Variants in TMEFF2 observed in about 807,000 individuals in gnomAD.
TMEFF2 encodes tomoregulin-2.
Under a neutral mutation model 53.8 loss-of-function variants are expected in TMEFF2, and 28 were observed. That is an observed-to-expected ratio of 0.52 (90% confidence interval 0.39 to 0.71). TMEFF2 has a LOEUF of 0.71. Among genes scored for constraint, TMEFF2 ranks in the 30% least tolerant of loss-of-function variants. The pLI, the probability that TMEFF2 is intolerant of heterozygous loss-of-function variation, is 0.00. For missense variants in TMEFF2, 353 were observed against 455.2 expected (o/e 0.78, Z 2.04); for synonymous variants, 162 against 166.3 (o/e 0.97, Z 0.20).
chr2:192,115,286 T>A (rs1209397675), intron 4 of TMEFF2, among the ~76,000 whole-genome samples: 2 of 151,864 alleles, frequency 1.3e-5, no homozygotes, highest in Non-Finnish European at 2.9e-5. Flanking sequence ...AACCTATGTA[T>A]ATAAGACAAA....
At chr2:191,988,340 A>G (rs1003890197) in intron 7 of TMEFF2, among the ~76,000 whole-genome samples, 8 of 152,154 alleles carry the variant, frequency 5.3e-5, no homozygotes. Flanking sequence ...GGAATGAGTG[A>G]GTGGCTAGGG....
At chr2:192,037,640 AGAAAGAG>A (rs1559096934) in intron 5 of TMEFF2, among the ~76,000 whole-genome samples, 5 of 20,918 alleles carry the variant, frequency 2.4e-4, no homozygotes, top group African/African-American at 3.3e-4. Flanking sequence ...AGAAAGAGAG[AGAAAGAG>A]AGAGAGAGAG....
chr2:192,083,167 CA>C (rs1688592566), intron 4 of TMEFF2, among the ~76,000 whole-genome samples: 1 of 151,960 alleles, frequency 6.6e-6, no homozygotes, highest in Non-Finnish European at 1.5e-5. Flanking sequence ...TAAAGGAAGG[CA>C]AAATTTGTAG....
chr2:191,964,380 T>C (rs1270953865), intron 7 of TMEFF2, among the ~76,000 whole-genome samples: 26 of 39,882 alleles, frequency 6.5e-4, no homozygotes, highest in African/African-American at 1.6e-3. Flanking sequence ...TTCTCTTTCT[T>C]TCTTTCTTTC....
chr2:192,001,731 T>A (rs977184318), intron 5 of TMEFF2, among the ~76,000 whole-genome samples: 1 of 146,258 alleles, frequency 6.8e-6, no homozygotes, highest in Non-Finnish European at 1.5e-5. Context: ...CTGCACAAGC[T>A]CTCTTCTCTT....
intron 5 of TMEFF2, among the ~76,000 whole-genome samples, chr2:192,027,026 T>C (rs1353248496): frequency 6.6e-6 from 1 of 152,214 alleles, no homozygotes. Flanking sequence ...CCTTGTATCA[T>C]TAATTTTCTT....
intron 4 of TMEFF2, among the ~76,000 whole-genome samples, chr2:192,132,606 C>CCCAG (rs1689871285): frequency 6.6e-6 from 1 of 152,096 alleles, no homozygotes; most frequent in Non-Finnish European, 1.5e-5. Context: ...TGAGACAAAC[C>CCCAG]CCAGCCACAT....
At chr2:192,173,650 C>T (rs1690968738) in intron 4 of TMEFF2, among the ~76,000 whole-genome samples, 1 of 151,722 alleles carries the variant, frequency 6.6e-6, no homozygotes, top group Non-Finnish European at 1.5e-5. Context: ...AAACATTATT[C>T]CTTATTTCTT....
chr2:192,127,214 T>C (rs1338551628), intron 4 of TMEFF2, among the ~76,000 whole-genome samples: 2 of 152,194 alleles, frequency 1.3e-5, no homozygotes, highest in African/African-American at 2.4e-5. Context: ...AATGATTCTC[T>C]GTCAGCAAGA....
intron 7 of TMEFF2, among the ~76,000 whole-genome samples, chr2:191,986,087 T>G (rs1466221812): frequency 2.0e-5 from 3 of 152,210 alleles, no homozygotes; most frequent in Non-Finnish European, 4.4e-5. Context: ...CACAACAGTT[T>G]TAAAAATTGC....
chr2:192,151,694 G>A (rs1367508874), intron 4 of TMEFF2, among the ~76,000 whole-genome samples: 1 of 151,870 alleles, frequency 6.6e-6, no homozygotes, highest in Non-Finnish European at 1.5e-5. Context: ...CTGACACTCA[G>A]AAGGCCCACC....
intron 4 of TMEFF2, among the ~76,000 whole-genome samples, chr2:192,093,686 T>G (rs907571448): frequency 6.6e-6 from 1 of 151,862 alleles, no homozygotes; most frequent in East Asian, 1.9e-4. Context: ...TGATAATGAG[T>G]AGACCCCGGC....
At chr2:192,143,131 A>G (rs1029518125) in intron 4 of TMEFF2, among the ~76,000 whole-genome samples, 3 of 152,222 alleles carry the variant, frequency 2.0e-5, no homozygotes, top group Non-Finnish European at 4.4e-5. Context: ...TAGACAAAGC[A>G]TGAGCTCTTT....
chr2:192,152,063 G>A lies in TMEFF2; in HGVS notation c.439+27605C>T, dbSNP rs76761929. 4.0e-5 allele frequency among the ~76,000 whole-genome samples: 6 copies of A among 151,852 alleles called. No homozygotes were observed. In the East Asian group the frequency reaches 5.8e-4, roughly 15 times the overall value. ...AACAGCAATTATGAGGTGGTAATCC[G>A]GAGATGAATGTGTTACCCACAAAAG... On this transcript the variant is annotated intron_variant, in intron 4 of 9. Transcript: ENST00000272771.
chr2:192,057,542 A>ATT (rs149272434), intron 5 of TMEFF2, 137 bp downstream of exon 5: 106 of 696,060 alleles, frequency 1.5e-4, no homozygotes, highest in Middle Eastern at 4.2e-4. Context: ...CCTTGCCCTC[A>ATT]TTTTTTTTTT....
At chr2:191,969,056 G>GA (rs1241048141) in intron 7 of TMEFF2, among the ~76,000 whole-genome samples, 17 of 150,698 alleles carry the variant, frequency 1.1e-4, no homozygotes, top group African/African-American at 4.1e-4. Context: ...TTTGGGCAGA[G>GA]ACTGTGTATT....
intron 7 of TMEFF2, among the ~76,000 whole-genome samples, chr2:191,986,361 A>T (rs1166178548): frequency 6.6e-6 from 1 of 152,198 alleles, no homozygotes; most frequent in East Asian, 1.9e-4. Context: ...GACCCAAGTT[A>T]TGCAAATACT....
chr2:191,999,003 C>G, intron 6 of TMEFF2, 57 bp downstream of exon 6: 1 of 1,537,780 alleles, frequency 6.5e-7, no homozygotes, highest in Non-Finnish European at 8.8e-7. Flanking sequence ...CTTCACTTTT[C>G]ATTTTTGCAC....
intron 5 of TMEFF2, among the ~76,000 whole-genome samples, chr2:192,002,460 G>A (rs912402215): frequency 2.0e-5 from 3 of 151,942 alleles, no homozygotes; most frequent in Non-Finnish European, 4.4e-5. Context: ...CTGGAAATTG[G>A]AAATCTATGG....
Sources: allele counts gnomAD v4.1 joint callset (sites outside exome capture counted in the v4.1 genomes callset), GRCh38; gene constraint gnomAD v4.1.1; transcripts MANE v1.5; gene names NCBI Gene and HGNC (gene_info 2026-07-23, HGNC 2026-07-21).